The following EHBP1 variants were observed in gnomAD, a reference collection of about 807,000 sequenced individuals.
EHBP1 encodes EH domain-binding protein 1.
A neutral mutation model predicts 144.0 loss-of-function variants in EHBP1; 55 were observed. That is an observed-to-expected ratio of 0.38 (90% CI 0.31 to 0.48). EHBP1 has a LOEUF of 0.48. EHBP1 is among the 20% of genes least tolerant of loss of function. The pLI, the probability that EHBP1 is intolerant of heterozygous loss-of-function variation, is 0.98. For synonymous variants in EHBP1, 469 were observed against 472.7 expected, an observed-to-expected ratio of 0.99 and a Z score of 0.10; for missense variants, 1,200 against 1,364.2, an observed-to-expected ratio of 0.88 and a Z score of 1.90.
chr2:62,721,752 CATTT>C (rs1418152044), intron 2 of EHBP1, among the ~76,000 whole-genome samples: 3 of 152,058 alleles, frequency 2.0e-5, no homozygotes, highest in Non-Finnish European at 4.4e-5. Context: ...CTTTATTCCT[CATTT>C]ATTTATTCAG....
At chr2:62,918,549 C>T (rs2054824319) in intron 10 of EHBP1, among the ~76,000 whole-genome samples, 1 of 152,170 alleles carries the variant, frequency 6.6e-6, no homozygotes, top group African/African-American at 2.4e-5. Flanking sequence ...CTGTGCCCTA[C>T]ATCTTTTCAT....
chr2:62,987,263 AG>A (rs2059237492), intron 15 of EHBP1, among the ~76,000 whole-genome samples: 1 of 152,194 alleles, frequency 6.6e-6, no homozygotes, highest in Non-Finnish European at 1.5e-5. Context: ...ACATTTTACT[AG>A]GGATATAAAA....
chr2:62,730,213 T>A (rs564068720), intron 2 of EHBP1, among the ~76,000 whole-genome samples: 1 of 152,038 alleles, frequency 6.6e-6, no homozygotes, highest in Non-Finnish European at 1.5e-5. Flanking sequence ...CTTATTGATA[T>A]CTTACATTAA....
At chr2:62,881,782 G>C (rs553780641) in intron 10 of EHBP1, 1 of 152,112 alleles carries the variant, frequency 6.6e-6, no homozygotes, top group African/African-American at 2.4e-5. Flanking sequence ...AAATAATATG[G>C]TGTCTTCTGT....
At chr2:63,043,854 TTC>T (rs1249604748) in intron 21 of EHBP1, 2 of 143,268 alleles carry the variant, frequency 1.4e-5, no homozygotes, top group African/African-American at 2.6e-5. Context: ...AGGATTGCAC[TTC>T]TCTCTGTTTT....
chr2:62,740,162 A>G (rs2038566529), intron 2 of EHBP1, among the ~76,000 whole-genome samples: 1 of 152,168 alleles, frequency 6.6e-6, no homozygotes, highest in Non-Finnish European at 1.5e-5. Flanking sequence ...ATTTTTAACC[A>G]AAAGTAATCA....
intron 19 of EHBP1, among the ~76,000 whole-genome samples, chr2:63,017,354 C>T (rs978331630): frequency 2.0e-5 from 3 of 152,286 alleles, no homozygotes; most frequent in South Asian, 4.1e-4. Flanking sequence ...CTCATTATGC[C>T]TGAGGTTTTG....
At chr2:62,987,792 G>T in intron 15 of EHBP1, 1 of 484,808 alleles carries the variant, frequency 2.1e-6, no homozygotes. Context: ...ACTTAAAACT[G>T]ATTTCTTAAC....
At chr2:62,917,420 G>A (rs960521377) in intron 10 of EHBP1, among the ~76,000 whole-genome samples, 2 of 152,124 alleles carry the variant, frequency 1.3e-5, no homozygotes, top group Non-Finnish European at 2.9e-5. Flanking sequence ...ACGTGACTAT[G>A]TATATTAATA....
intron 10 of EHBP1, among the ~76,000 whole-genome samples, chr2:62,894,712 G>T (rs536458497): frequency 6.6e-6 from 1 of 152,138 alleles, no homozygotes; most frequent in Non-Finnish European, 1.5e-5. Flanking sequence ...AGTAGGAATA[G>T]TAGCATTCTA....
intron 14 of EHBP1, among the ~76,000 whole-genome samples, chr2:62,969,054 T>C (rs1395552290): frequency 6.7e-6 from 1 of 149,952 alleles, no homozygotes; most frequent in Non-Finnish European, 1.5e-5. Flanking sequence ...AAGTTATCAA[T>C]TTCACAAAGA....
intron 19 of EHBP1, among the ~76,000 whole-genome samples, chr2:63,029,382 G>T (rs2061133787): frequency 6.6e-6 from 1 of 151,386 alleles, no homozygotes. Flanking sequence ...TTGTGTCCAT[G>T]AAATTGTTTA....
chr2:62,764,466 A>G, intron 4 of EHBP1, 105 bp downstream of exon 4: 1 of 751,314 alleles, frequency 1.3e-6, no homozygotes, highest in Non-Finnish European at 2.0e-6. Flanking sequence ...CCAGTCTGGT[A>G]CCTACTGTGC....
rs1050670096 is a variant in EHBP1 at position 63,016,435 on chromosome 2, T to C, written c.3103+19669T>C. Among the ~76,000 whole-genome samples, 10 of 146,824 alleles carry C rather than the reference T, an allele frequency of 6.8e-5. 1 individual carries two copies. Among genetic ancestry groups the C allele is most frequent in the South Asian group, 2.3e-4 (1 of 4,306 alleles). On this transcript the variant is annotated intron_variant, in intron 19 of 22. Coordinates refer to ENST00000431489, the MANE Select transcript of EHBP1 (RefSeq NM_001142616.3). ...GGGGTTTTTTGTTTGTTTTTCTGTTTTGGGGGGTTGGGGGAATGGAGTCTC... is the reference window on the plus strand; with the variant it reads ...GGGGTTTTTTGTTTGTTTTTCTGTTCTGGGGGGTTGGGGGAATGGAGTCTC...
chr2:62,762,022 C>G (rs1002760010), intron 3 of EHBP1, among the ~76,000 whole-genome samples: 1 of 152,098 alleles, frequency 6.6e-6, no homozygotes, highest in African/African-American at 2.4e-5. Context: ...TTCTCAAACT[C>G]ATACTCCTGG....
At chr2:62,982,636 G>C (rs1338912475) in intron 15 of EHBP1, among the ~76,000 whole-genome samples, 1 of 152,136 alleles carries the variant, frequency 6.6e-6, no homozygotes, top group East Asian at 1.9e-4. Context: ...CTTGAGACCA[G>C]CCTAGATGGA....
intron 5 of EHBP1, among the ~76,000 whole-genome samples, chr2:62,793,415 A>G (rs981642318): frequency 1.3e-5 from 2 of 152,034 alleles, no homozygotes; most frequent in African/African-American, 4.8e-5. Flanking sequence ...AGGGCTTTGG[A>G]TTATTATACA....
At position 62,948,789 on chromosome 2, in the gene EHBP1, T is replaced by G; in HGVS notation, c.1943T>G (p.Leu648Trp). The change falls in exon 13 of 23, where the codon TTG becomes TGG. Residue 648 changes from leucine to tryptophan, a missense_variant. Transcript: ENST00000431489. ...SNTDSTQAQV[L>W]LGKKRLLKAE... ...ACAGATTCAACCCAAGCACAGGTTT[T>G]GTTAGGCAAAAAGAGACTATTGAAA... The G allele has an allele frequency of 6.2e-7, 1 of 1,614,130 alleles. No homozygotes were observed. The highest frequency in any genetic ancestry group is 8.5e-7 in the Non-Finnish European group (1 of 1,179,990).
At chr2:62,977,325 C>T (rs1311153024) in intron 14 of EHBP1, among the ~76,000 whole-genome samples, 2 of 151,902 alleles carry the variant, frequency 1.3e-5, no homozygotes. Flanking sequence ...CTGTTTTTGC[C>T]CTATGTTCAG....
Sources: gnomAD v4.1 joint callset for allele counts (sites outside exome capture counted in the v4.1 genomes callset) on GRCh38, gnomAD v4.1.1 for gene constraint, MANE v1.5 for transcripts, NCBI Gene and HGNC (gene_info 2026-07-23, HGNC 2026-07-21) for gene names.